The following NOL4L variants were observed in gnomAD, a reference collection of about 807,000 sequenced individuals.
The protein encoded by NOL4L is nucleolar protein 4-like.
Under a neutral mutation model 64.5 loss-of-function variants are expected in NOL4L, and 7 were observed. The ratio of observed to expected loss-of-function variants is 0.11; its 90% confidence interval spans 0.06 to 0.20. The LOEUF is 0.20. Ranked by LOEUF, NOL4L falls within the 10% of genes least tolerant of loss-of-function variation. The probability of loss-of-function intolerance (pLI) is 1.00; values close to 1 mark genes in which losing one functional copy is unlikely to be tolerated. For missense variants in NOL4L, 680 were observed against 967.1 expected (o/e 0.70, Z 3.94); for synonymous variants, 413 against 401.0 (o/e 1.03, Z -0.36).
chr20:32,448,543 T>A (rs1246109994), intron 10 of NOL4L, among the ~76,000 whole-genome samples: 2 of 152,168 alleles, frequency 1.3e-5, no homozygotes, highest in Non-Finnish European at 2.9e-5. Context: ...TGAAGCCTCT[T>A]TCTGCTAAGC....
chr20:32,453,091 C>A lies in NOL4L; in HGVS notation c.1498-85G>T. The A allele has an allele frequency of 6.3e-7, 1 of 1,576,148 alleles. No individual in the cohort carries two copies. The highest frequency in any genetic ancestry group is 8.6e-7 in the Non-Finnish European group (1 of 1,160,642). On this transcript the variant is annotated intron_variant, in intron 8 of 10. Coordinates refer to ENST00000621426, the MANE Select transcript of NOL4L (RefSeq NM_001256798.2). This position sits in a 1 kb window ranked among gnomAD's most constrained non-coding sequence, Gnocchi z 5.6. ...GAGACCCTGCCCCAGGGGTGGGTGGCACAGGGTGGGGTTTGGGCTCCAGCG... is the reference window on the plus strand; with the variant it reads ...GAGACCCTGCCCCAGGGGTGGGTGGAACAGGGTGGGGTTTGGGCTCCAGCG...
At chr20:32,493,299 T>A (rs1232947433) in intron 4 of NOL4L, among the ~76,000 whole-genome samples, 1 of 152,130 alleles carries the variant, frequency 6.6e-6, no homozygotes, top group Non-Finnish European at 1.5e-5. Flanking sequence ...CAGCACCTTC[T>A]GCCTAGGCCT....
intron 5 of NOL4L, among the ~76,000 whole-genome samples, chr20:32,467,642 C>T (rs893218591): frequency 6.6e-6 from 1 of 152,170 alleles, no homozygotes; most frequent in Non-Finnish European, 1.5e-5. Flanking sequence ...AGGAAGACCG[C>T]CCACATCCAG....
chr20:32,477,985 T>C (rs1033184307), intron 4 of NOL4L, among the ~76,000 whole-genome samples: 2 of 152,174 alleles, frequency 1.3e-5, no homozygotes, highest in Non-Finnish European at 2.9e-5. Flanking sequence ...GGCACCCACG[T>C]CAGGCCTAGC....
chr20:32,555,694 G>C (rs755138704), intron 1 of NOL4L, among the ~76,000 whole-genome samples: 3 of 152,066 alleles, frequency 2.0e-5, no homozygotes, highest in Admixed American at 1.3e-4. Context: ...GAGAAGATTA[G>C]GATACAGACG....
chr20:32,443,390 C>T lies in NOL4L; in HGVS notation c.*4206G>A, dbSNP rs1234866698. On this transcript the variant is annotated 3_prime_UTR_variant, in exon 11 of 11. Coordinates refer to ENST00000621426, the MANE Select transcript of NOL4L (RefSeq NM_001256798.2). ...TTATAGAGAGCATTGAGGAGGAAGT[C>T]CTCACCTGCTTAGAAGAGCCACGTT... The T allele has an allele frequency of 6.6e-6, 1 of 152,198 alleles. No individual in the cohort carries two copies. Among genetic ancestry groups the T allele is most frequent in the African/African-American group, 2.4e-5 (1 of 41,446 alleles). 9.4% of individuals were successfully genotyped at this position (152,198 alleles called of 1,614,324 possible). A position where few individuals can be genotyped will look rare whatever the true frequency, so the allele number is the denominator to read the frequency against.
At chr20:32,555,813 GC>G (rs1978612589) in intron 1 of NOL4L, among the ~76,000 whole-genome samples, 3 of 152,200 alleles carry the variant, frequency 2.0e-5, no homozygotes, top group Non-Finnish European at 4.4e-5. Flanking sequence ...TGAACTTCCA[GC>G]CGCCAGAGCT....
chr20:32,527,911 C>A lies in NOL4L; in HGVS notation c.324G>T (p.Gly108=). 6.5e-7 allele frequency: 1 copy of A among 1,550,140 alleles called. No homozygotes were observed. Among genetic ancestry groups the A allele is most frequent in the Non-Finnish European group, 8.7e-7 (1 of 1,146,740 alleles). ...CCTCTGGCTCCGACAGGCCATCTGCCCCCTGCGACAGGGTGGACAAGCTGT... is the reference window on the plus strand; with the variant it reads ...CCTCTGGCTCCGACAGGCCATCTGCACCCTGCGACAGGGTGGACAAGCTGT... ...VVYVPVKTGS[G]ADGLSEPEGI... The change falls in exon 2 of 11, where the codon GGG becomes GGT. Residue 108 remains glycine, a splice_region_variant and synonymous_variant. Coordinates refer to ENST00000621426, the MANE Select transcript of NOL4L (RefSeq NM_001256798.2).
At chr20:32,548,815 A>C (rs1327266847) in intron 1 of NOL4L, 1 of 452,454 alleles carries the variant, frequency 2.2e-6, no homozygotes, top group African/African-American at 2.0e-5. Flanking sequence ...TATCATAAAC[A>C]ATCCAAATGT....
chr20:32,482,151 A>G (rs1420543484), intron 4 of NOL4L, among the ~76,000 whole-genome samples: 14 of 152,120 alleles, frequency 9.2e-5, no homozygotes, highest in Admixed American at 9.2e-4. Flanking sequence ...AAGGAAAATC[A>G]ATGTTTTAGA....
chr20:32,497,265 TC>T (rs983064729), intron 4 of NOL4L, among the ~76,000 whole-genome samples: 1 of 119,488 alleles, frequency 8.4e-6, no homozygotes, highest in African/African-American at 3.2e-5. Flanking sequence ...GAGTCAGGTC[TC>T]CTGGAGCTGC....
At chr20:32,548,174 A>C (rs973560884) in intron 1 of NOL4L, among the ~76,000 whole-genome samples, 1 of 152,242 alleles carries the variant, frequency 6.6e-6, no homozygotes, top group East Asian at 1.9e-4. Context: ...GCCCAAAGAC[A>C]GGTGGGATGG....
At chr20:32,561,882 G>C (rs892635141) in intron 1 of NOL4L, among the ~76,000 whole-genome samples, 2 of 152,136 alleles carry the variant, frequency 1.3e-5, no homozygotes, top group Non-Finnish European at 2.9e-5. Flanking sequence ...CCAGCTATTC[G>C]GGAGGCTGAG....
intron 5 of NOL4L, among the ~76,000 whole-genome samples, chr20:32,467,538 A>T (rs1456828531): frequency 1.3e-5 from 2 of 152,306 alleles, no homozygotes; most frequent in South Asian, 4.1e-4. Flanking sequence ...ACAGGCCTCC[A>T]TGGCAGAGGG....
chr20:32,458,342 A>G (rs1175406446), intron 5 of NOL4L, among the ~76,000 whole-genome samples: 3 of 152,296 alleles, frequency 2.0e-5, no homozygotes, highest in African/African-American at 7.2e-5. Context: ...CTGGTTCCAC[A>G]CTGCCACTTC....
chr20:32,514,914 C>T (rs567075297), intron 3 of NOL4L, among the ~76,000 whole-genome samples: 2 of 152,116 alleles, frequency 1.3e-5, no homozygotes, highest in Non-Finnish European at 2.9e-5. Flanking sequence ...GTGTGAAGGG[C>T]GCCCAGCACT....
intron 1 of NOL4L, chr20:32,536,430 G>T: frequency 1.9e-6 from 1 of 520,438 alleles, no homozygotes; most frequent in Non-Finnish European, 2.5e-6. Context: ...ACTGTTGACA[G>T]CGCGCGCTGG....
At chr20:32,474,525 C>A in intron 5 of NOL4L, 76 bp downstream of exon 5, 1 of 1,517,808 alleles carries the variant, frequency 6.6e-7, no homozygotes, top group Non-Finnish European at 8.8e-7. Context: ...AGTGTGTCCA[C>A]ACCTCTCACC....
In NOL4L at chr20:32,460,766, G is replaced by C. The variant is rs2013966944; in HGVS notation, c.842-4371C>G. ...ACAGTCTGAGGTGGGCCCAGTGAGA[G>C]GGCCACTGTGGGGATGGGGGCAACT... On this transcript the variant is annotated intron_variant, in intron 5 of 10. Coordinates refer to ENST00000621426, the MANE Select transcript of NOL4L (RefSeq NM_001256798.2). The surrounding 1 kb of genome is among the most constrained non-coding windows in gnomAD (Gnocchi z 5.7). 6.6e-6 allele frequency among the ~76,000 whole-genome samples: 1 copy of C among 152,192 alleles called. No individual in the cohort carries two copies. Among genetic ancestry groups the C allele is most frequent in the Non-Finnish European group, 1.5e-5 (1 of 68,030 alleles).
Sources: gnomAD v4.1 joint callset for allele counts (sites outside exome capture counted in the v4.1 genomes callset) on GRCh38, gnomAD v4.1.1 for gene constraint, Gnocchi (gnomAD v3.1) non-coding constraint, MANE v1.5 for transcripts, NCBI Gene and HGNC (gene_info 2026-07-23, HGNC 2026-07-21) for gene names.